The following ACTL6A variants were observed in gnomAD, a reference collection of about 807,000 sequenced individuals.
ACTL6A encodes actin-like protein 6A.
Under a neutral mutation model 59.2 loss-of-function variants are expected in ACTL6A, and 5 were observed. The observed-to-expected ratio is 0.08, with a 90% CI of 0.04 to 0.18. The LOEUF is 0.18. ACTL6A is among the 10% of genes least tolerant of loss of function. The probability of loss-of-function intolerance (pLI) is 1.00; values close to 1 mark genes in which losing one functional copy is unlikely to be tolerated. For synonymous variants in ACTL6A, 154 were observed against 171.8 expected, an observed-to-expected ratio of 0.90 and a Z score of 0.81; for missense variants, 285 against 526.9, an observed-to-expected ratio of 0.54 and a Z score of 4.49.
At chr3:179,587,426 G>A (rs995957611) in intron 13 of ACTL6A, among the ~76,000 whole-genome samples, 8 of 152,096 alleles carry the variant, frequency 5.3e-5, no homozygotes, top group African/African-American at 1.9e-4. Context: ...CAATGTAACA[G>A]ATACAGAAGG....
Position 179,583,458 on chromosome 3 carries a change from G to GT in ACTL6A, c.1122+13dup, listed in dbSNP as rs762985527. The GT allele has an allele frequency of 1.3e-4, 202 of 1,595,436 alleles. No homozygotes were observed. The highest frequency in any genetic ancestry group is 5.0e-4 in the Middle Eastern group (3 of 6,014). On this transcript the variant is annotated intron_variant, in intron 12 of 13. Transcript: ENST00000429709. ...TCAGAAAACTCCTCCAGTAAGTTCT[G>GT]TTTGTTCTTTAATGGTATTCTTCAG...
At chr3:179,564,785 A>C (rs1011138557) in intron 1 of ACTL6A, among the ~76,000 whole-genome samples, 9 of 152,244 alleles carry the variant, frequency 5.9e-5, no homozygotes, top group South Asian at 4.1e-4. Flanking sequence ...CAAGAAGCTC[A>C]GTCTTGTAGA....
intron 12 of ACTL6A, among the ~76,000 whole-genome samples, chr3:179,584,672 C>G (rs568655559): frequency 3.8e-4 from 58 of 151,794 alleles, no homozygotes; most frequent in South Asian, 2.9e-3. Flanking sequence ...GTAATCCCAG[C>G]TACTTGGGAG....
intron 12 of ACTL6A, among the ~76,000 whole-genome samples, chr3:179,585,327 C>T (rs1718452240): frequency 6.6e-6 from 1 of 152,176 alleles, no homozygotes; most frequent in South Asian, 2.1e-4. Flanking sequence ...ATCTCAAACT[C>T]CCGACCTCAG....
At chr3:179,565,842 C>G (rs988428426) in intron 1 of ACTL6A, among the ~76,000 whole-genome samples, 1 of 151,910 alleles carries the variant, frequency 6.6e-6, no homozygotes, top group Non-Finnish European at 1.5e-5. Flanking sequence ...ATTTATGTAC[C>G]AAAATAATGA....
chr3:179,573,234 T>C, intron 3 of ACTL6A, 135 bp from the exon 4 acceptor site: 1 of 564,704 alleles, frequency 1.8e-6, no homozygotes. Flanking sequence ...TAATGTGGTA[T>C]GAAGTTGATC....
At chr3:179,563,318 T>C (rs1717725770) in intron 1 of ACTL6A, among the ~76,000 whole-genome samples, 1 of 150,920 alleles carries the variant, frequency 6.6e-6, no homozygotes, top group Non-Finnish European at 1.5e-5. Context: ...CTCCCTGAAG[T>C]GGCGGCTCTC....
chr3:179,581,313 TGTCA>T (rs954641842), intron 11 of ACTL6A, 93 bp downstream of exon 11: 16 of 1,017,996 alleles, frequency 1.6e-5, no homozygotes, highest in South Asian at 1.1e-4. Flanking sequence ...ATCTAATGGT[TGTCA>T]GTGTCATTGA....
At position 179,586,432 on chromosome 3, in the gene ACTL6A, T is replaced by C. The variant is rs551043360; in HGVS notation, c.1123-114T>C. 3 of 768,526 alleles carry C rather than the reference T, an allele frequency of 3.9e-6. No homozygotes were observed. The South Asian group carries it at 6.7e-5, about 17-fold the overall frequency. The allele number at this position is 768,526 out of a possible 1,614,324, so 47.6% of individuals were successfully genotyped here. A position where few individuals can be genotyped will look rare whatever the true frequency, so the allele number is the denominator to read the frequency against. On this transcript the variant is annotated intron_variant, in intron 12 of 13. Coordinates refer to ENST00000429709, the MANE Select transcript of ACTL6A (RefSeq NM_004301.5). Reference sequence around the variant, plus strand: ...TTGAGTGCAAATGTGAAGACCAGCCTGGACAATATGGCGAGGAAGACCCTG... The same window carrying C: ...TTGAGTGCAAATGTGAAGACCAGCCCGGACAATATGGCGAGGAAGACCCTG...
rs1223888325 is a variant in ACTL6A at position 179,586,643 on chromosome 3, G to A, written c.1209+11G>A. On this transcript the variant is annotated intron_variant, in intron 13 of 13. Coordinates refer to ENST00000429709, the MANE Select transcript of ACTL6A (RefSeq NM_004301.5). ...ATTCTAGCCTCTTTGGTTAGTAGAT[G>A]AGCTACTTTGCAAAAATATTCTTAC... The A allele has an allele frequency of 1.3e-6, 2 of 1,583,120 alleles. No individual in the cohort carries two copies. The highest frequency in any genetic ancestry group is 1.9e-5 in the Admixed American group (1 of 52,870).
chr3:179,574,330 A>G (rs1219936722), intron 4 of ACTL6A, 40 bp from the exon 5 acceptor site: 2 of 1,335,386 alleles, frequency 1.5e-6, no homozygotes, highest in East Asian at 4.6e-5. Context: ...CAACTTTTTA[A>G]TTCTTAATAA....
Position 179,576,600 on chromosome 3 carries a change from TTGTTTCATC to T in ACTL6A, c.572-11_572-3del. On this transcript the variant is annotated splice_polypyrimidine_tract_variant and intron_variant, in intron 6 of 13. Transcript: ENST00000429709. The stretch of plus-strand genomic sequence containing the variant: ...GTTTGGACTTACTGCCCTCTTAGCC[TTGTTTCATC>T]TGTTTCATAGGCATTGTGAAATCCC... The T allele has an allele frequency of 6.3e-7, 1 of 1,589,756 alleles. No homozygotes were observed. Among genetic ancestry groups the T allele is most frequent in the Non-Finnish European group, 8.6e-7 (1 of 1,159,482 alleles).
chr3:179,581,013 A>G lies in ACTL6A; in HGVS notation c.945+5A>G. On this transcript the variant is annotated splice_donor_5th_base_variant and intron_variant, in intron 10 of 13. Transcript: ENST00000429709. The stretch of plus-strand genomic sequence containing the variant: ...TTTGACCCTTCCAATGTAAAGGTAT[A>G]AAAGCTTATTTCATAATTAGCCTGG... 6.3e-7 allele frequency: 1 copy of G among 1,597,392 alleles called. No individual in the cohort carries two copies. The highest frequency in any genetic ancestry group is 8.5e-7 in the Non-Finnish European group (1 of 1,174,662).
At chr3:179,587,339 G>A (rs762865472) in intron 13 of ACTL6A, among the ~76,000 whole-genome samples, 1 of 152,046 alleles carries the variant, frequency 6.6e-6, no homozygotes, top group Non-Finnish European at 1.5e-5. Flanking sequence ...GACAGTTTCT[G>A]TTATTGCCTT....
Position 179,562,979 on chromosome 3 carries a change from T to G in ACTL6A, c.-114T>G. 1 of 1,394,958 alleles carries G rather than the reference T, an allele frequency of 7.2e-7. No individual in the cohort carries two copies. The allele number at this position is 1,394,958 out of a possible 1,614,324, so 86.4% of individuals were successfully genotyped here. On this transcript the variant is annotated 5_prime_UTR_variant, in exon 1 of 14. Transcript: ENST00000429709. ...ACGCCGCTTTGTTGCCTGAGGTGGG[T>G]GGCGGTGGAAGTTAAGGGAGTCAGG...
intron 3 of ACTL6A, among the ~76,000 whole-genome samples, chr3:179,572,603 G>A (rs752493506): frequency 1.3e-5 from 2 of 152,056 alleles, no homozygotes; most frequent in Non-Finnish European, 2.9e-5. Flanking sequence ...TCAGGAGTTC[G>A]AGACCAGCCT....
intron 13 of ACTL6A, 82 bp downstream of exon 13, chr3:179,586,714 C>A: frequency 8.9e-7 from 1 of 1,122,174 alleles, no homozygotes; most frequent in Non-Finnish European, 1.3e-6. Context: ...AATTCCAGTG[C>A]TTCATTTGTC....
chr3:179,587,571 G>C (rs1457984993), intron 13 of ACTL6A, among the ~76,000 whole-genome samples: 1 of 151,930 alleles, frequency 6.6e-6, no homozygotes, highest in Non-Finnish European at 1.5e-5. Context: ...TAGGAGTTAC[G>C]AAAATAAGAT....
chr3:179,563,834 T>TGTG (rs974813498), intron 1 of ACTL6A, among the ~76,000 whole-genome samples: 43 of 152,300 alleles, frequency 2.8e-4, no homozygotes, highest in South Asian at 2.1e-3. Context: ...TTTTTCACTT[T>TGTG]CTTTGATTAG....
Sources: allele counts gnomAD v4.1 joint callset (sites outside exome capture counted in the v4.1 genomes callset), GRCh38; gene constraint gnomAD v4.1.1; transcripts MANE v1.5; gene names NCBI Gene and HGNC (gene_info 2026-07-23, HGNC 2026-07-21).